The following ELP1 variants were observed in gnomAD, a reference collection of about 807,000 sequenced individuals.
ELP1 encodes the protein elongator acetyltransferase complex subunit 1, also known as elongator complex protein 1.
A neutral mutation model predicts 183.2 loss-of-function variants in ELP1; 131 were observed. The observed-to-expected ratio is 0.72, with a 90% CI of 0.62 to 0.83. ELP1 has a LOEUF of 0.83. ELP1 is among the 40% of genes least tolerant of loss of function. The pLI, the probability that ELP1 is intolerant of heterozygous loss-of-function variation, is 0.00. For missense variants in ELP1, 1,550 were observed against 1,594.9 expected, an observed-to-expected ratio of 0.97 and a Z score of 0.48; for synonymous variants, 555 against 569.0, an observed-to-expected ratio of 0.98 and a Z score of 0.35.
intron 11 of ELP1, 29 bp from the exon 12 acceptor site, chr9:108,911,209 G>T: frequency 6.2e-7 from 1 of 1,607,550 alleles, no homozygotes; most frequent in South Asian, 1.1e-5. Context: ...AAGAGGATTA[G>T]ACCTAGGGAT....
intron 5 of ELP1, among the ~76,000 whole-genome samples, chr9:108,925,391 T>G (rs1318128970): frequency 6.6e-6 from 1 of 152,200 alleles, no homozygotes; most frequent in Non-Finnish European, 1.5e-5. Context: ...AATGTTTCTA[T>G]GAAATAACCC....
chr9:108,878,473 G>A (rs1827785395), intron 34 of ELP1, 150 bp downstream of exon 34: 1 of 1,015,740 alleles, frequency 9.8e-7, no homozygotes, highest in Non-Finnish European at 1.5e-6. Context: ...CTTCAGGAAT[G>A]TGTGCAGACA....
At chr9:108,873,821 G>A (rs1014227748) in intron 36 of ELP1, among the ~76,000 whole-genome samples, 1 of 151,996 alleles carries the variant, frequency 6.6e-6, no homozygotes, top group African/African-American at 2.4e-5. Context: ...AGGAGGCTGA[G>A]ACCAGCCTGG....
chr9:108,923,136 G>T (rs1445662317), intron 5 of ELP1, among the ~76,000 whole-genome samples: 1 of 152,226 alleles, frequency 6.6e-6, no homozygotes, highest in South Asian at 2.1e-4. Context: ...TTGGGAGGCT[G>T]AGGCAGGAGG....
intron 19 of ELP1, 69 bp from the exon 20 acceptor site, chr9:108,899,964 T>C: frequency 8.3e-7 from 1 of 1,208,194 alleles, no homozygotes; most frequent in Non-Finnish European, 1.2e-6. Flanking sequence ...GATACACCAT[T>C]TTACCTAACT....
rs1311428452 is a variant in ELP1, at chr9:108,934,124, C to A, written c.-316G>T. ...CTAGGCAGCCGCAGCACTGGGAGTG[C>A]GGCGCGGGAGTGACGTCACCAGGCG... is the stretch of plus-strand genomic sequence containing the variant. On this transcript the variant is annotated 5_prime_UTR_variant, in exon 1 of 37. Coordinates refer to ENST00000374647, the MANE Select transcript of ELP1 (RefSeq NM_003640.5). 2.2e-5 allele frequency: 5 copies of A among 229,670 alleles called. No individual in the cohort carries two copies. Among genetic ancestry groups the A allele is most frequent in the Non-Finnish European group, 3.5e-5 (4 of 115,772 alleles). 14.2% of individuals were successfully genotyped at this position (229,670 alleles called of 1,614,324 possible). A position where few individuals can be genotyped will look rare whatever the true frequency, so the allele number is the denominator to read the frequency against.
intron 26 of ELP1, 145 bp downstream of exon 26, chr9:108,893,798 A>G (rs1217635791): frequency 2.3e-6 from 2 of 882,888 alleles, no homozygotes; most frequent in African/African-American, 3.3e-5. Flanking sequence ...CACAGGACAA[A>G]ATAACGTGAG....
chr9:108,926,435 C>T, intron 5 of ELP1, 88 bp downstream of exon 5: 1 of 976,758 alleles, frequency 1.0e-6, no homozygotes, highest in Non-Finnish European at 1.6e-6. Flanking sequence ...AGTTCTTTGG[C>T]CTAATGACAT....
intron 10 of ELP1, among the ~76,000 whole-genome samples, chr9:108,915,603 T>C (rs1472588719): frequency 6.6e-6 from 1 of 152,142 alleles, no homozygotes; most frequent in African/African-American, 2.4e-5. Flanking sequence ...TGCCATCCCC[T>C]ACATTAGCTA....
chr9:108,929,317 T>C (rs1829922054), intron 3 of ELP1, among the ~76,000 whole-genome samples: 1 of 152,216 alleles, frequency 6.6e-6, no homozygotes, highest in South Asian at 2.1e-4. Flanking sequence ...AGTCATCACA[T>C]GTGCAGGTAA....
intron 14 of ELP1, among the ~76,000 whole-genome samples, chr9:108,903,993 T>C (rs1009915641): frequency 1.3e-5 from 2 of 152,206 alleles, no homozygotes; most frequent in African/African-American, 4.8e-5. Context: ...TCATCATTCC[T>C]CTTCTGGCCA....
intron 14 of ELP1, among the ~76,000 whole-genome samples, chr9:108,906,021 GA>G (rs1803271627): frequency 6.6e-6 from 1 of 152,026 alleles, no homozygotes; most frequent in African/African-American, 2.4e-5. Flanking sequence ...AATCACGCTG[GA>G]AAAATGTGGG....
intron 36 of ELP1, among the ~76,000 whole-genome samples, chr9:108,872,661 C>T (rs987738977): frequency 6.0e-5 from 9 of 150,806 alleles, no homozygotes; most frequent in African/African-American, 2.0e-4. Flanking sequence ...AAAAATTAGC[C>T]GGGCGTGATG....
At chr9:108,905,545 A>G (rs10979607) in intron 14 of ELP1, among the ~76,000 whole-genome samples, 12,211 of 152,272 alleles carry the variant, frequency 0.08, 573 homozygotes, top group East Asian at 0.16. Flanking sequence ...AGTCAGGTAC[A>G]AAATAGGATA....
chr9:108,912,081 G>C (rs548321709), intron 11 of ELP1, among the ~76,000 whole-genome samples, 183 bp downstream of exon 11: 19 of 152,252 alleles, frequency 1.2e-4, no homozygotes, highest in African/African-American at 4.6e-4. Context: ...TGGTGGGGGA[G>C]GGGGGACAAT....
chr9:108,914,400 A>C (rs1829352139), intron 10 of ELP1, among the ~76,000 whole-genome samples: 1 of 101,414 alleles, frequency 9.9e-6, no homozygotes, highest in Non-Finnish European at 2.1e-5. Flanking sequence ...TCCGTCTCCA[A>C]AAAAAAAAAA....
chr9:108,913,224 T>A (rs1350396140), intron 10 of ELP1, among the ~76,000 whole-genome samples: 1 of 152,200 alleles, frequency 6.6e-6, no homozygotes, highest in Non-Finnish European at 1.5e-5. Flanking sequence ...TAGACTAGCA[T>A]CATTGTGTTG....
intron 25 of ELP1, among the ~76,000 whole-genome samples, chr9:108,895,187 C>G (rs1273319974): frequency 6.6e-6 from 1 of 152,122 alleles, no homozygotes; most frequent in Non-Finnish European, 1.5e-5. Context: ...CAAGATGGTG[C>G]CACTGCACTC....
At position 108,898,737 on chromosome 9, in the gene ELP1, T is replaced by C. The variant is rs139583037; in HGVS notation, c.2217A>G (p.Lys739=). 103 of 1,609,740 alleles carry C rather than the reference T, an allele frequency of 6.4e-5. No homozygotes were observed. The African/African-American group carries it at 1.2e-3, about 19-fold the overall frequency. Residue 739 remains lysine, a synonymous_variant, in exon 21 of 37, where the codon AAA becomes AAG. Coordinates refer to ENST00000374647, the MANE Select transcript of ELP1 (RefSeq NM_003640.5). ...GCTTTCTCATGCATTCAAATGCCTCTTTAAACATAAGTCTGTGAGAAGACA... is the reference window on the plus strand; with the variant it reads ...GCTTTCTCATGCATTCAAATGCCTCCTTAAACATAAGTCTGTGAGAAGACA... ...IRKWLDKLMF[K]EAFECMRKLR...
Sources: gnomAD v4.1 joint callset for allele counts (sites outside exome capture counted in the v4.1 genomes callset) on GRCh38, gnomAD v4.1.1 for gene constraint, MANE v1.5 for transcripts, NCBI Gene and HGNC (gene_info 2026-07-23, HGNC 2026-07-21) for gene names.